The following PCTP variants were observed in gnomAD, a reference collection of about 807,000 sequenced individuals.
The protein encoded by PCTP is START domain-containing protein 2.
Under a neutral mutation model 31.0 loss-of-function variants are expected in PCTP, and 27 were observed. The observed-to-expected ratio is 0.87, with a 90% confidence interval of 0.64 to 1.20. The LOEUF is 1.20. Among genes scored for constraint, PCTP ranks in the 50% most tolerant of loss-of-function variants. The pLI is 0.00. For missense variants in PCTP, 287 were observed against 268.2 expected (o/e 1.07, Z -0.49); for synonymous variants, 108 against 101.2 (o/e 1.07, Z -0.40).
exon 4 of PCTP, chr17:55,823,053 A>C (rs1203069774): frequency 3.2e-6 from 1 of 315,366 alleles, no homozygotes; most frequent in Non-Finnish European, 5.7e-6. Flanking sequence ...TATGTACTGG[A>C]AAGATAGCAG....
At chr17:55,797,325 G>A (rs1348794020) in intron 3 of PCTP, among the ~76,000 whole-genome samples, 1 of 152,010 alleles carries the variant, frequency 6.6e-6, no homozygotes, top group East Asian at 1.9e-4. Flanking sequence ...TATGAACCTA[G>A]TGTTAAGGCT....
intron 1 of PCTP, among the ~76,000 whole-genome samples, chr17:55,763,775 C>A (rs1476293173): frequency 6.6e-6 from 1 of 152,062 alleles, no homozygotes; most frequent in Non-Finnish European, 1.5e-5. Flanking sequence ...TTATAAAAAA[C>A]TATTTTTTAA....
chr17:55,781,201 T>G (rs1289020752), downstream of PCTP, among the ~76,000 whole-genome samples: 1 of 152,240 alleles, frequency 6.6e-6, no homozygotes, highest in African/African-American at 2.4e-5. Context: ...TCATTTAATG[T>G]GATCAATAAA....
chr17:55,843,855 G>T (rs1208742435), downstream of PCTP, among the ~76,000 whole-genome samples: 1 of 152,126 alleles, frequency 6.6e-6, no homozygotes, highest in Non-Finnish European at 1.5e-5. Context: ...AGCACTGAAG[G>T]TCTCAAATAT....
At chr17:55,838,450 A>T (rs1905847679) in intron 5 of PCTP, among the ~76,000 whole-genome samples, 1 of 152,198 alleles carries the variant, frequency 6.6e-6, no homozygotes, top group Non-Finnish European at 1.5e-5. Context: ...TTCCCTGACC[A>T]GGTCAAATTC....
chr17:55,787,196 C>T (rs1453124462), intron 2 of PCTP, among the ~76,000 whole-genome samples: 1 of 151,462 alleles, frequency 6.6e-6, no homozygotes, highest in Non-Finnish European at 1.5e-5. Context: ...ATAGCTTTTT[C>T]TGCAATTTTA....
At chr17:55,758,846 T>A (rs757060074) in intron 1 of PCTP, among the ~76,000 whole-genome samples, 1 of 152,128 alleles carries the variant, frequency 6.6e-6, no homozygotes, top group East Asian at 1.9e-4. Flanking sequence ...AGGTTCAGAT[T>A]TGGTGGAAGG....
intron 5 of PCTP, among the ~76,000 whole-genome samples, chr17:55,835,818 C>T (rs771016307): frequency 7.2e-5 from 11 of 152,138 alleles, no homozygotes; most frequent in Non-Finnish European, 1.5e-4. Context: ...TTGATAGTCC[C>T]AATAGGAGTT....
chr17:55,826,629 G>C (rs1415473374), downstream of PCTP, among the ~76,000 whole-genome samples: 2 of 152,194 alleles, frequency 1.3e-5, no homozygotes, highest in Non-Finnish European at 2.9e-5. Context: ...ATGAGGCAAA[G>C]CGTATTTAGT....
chr17:55,773,437 A>AGAAAGGAAAT (rs1911118911), intron 3 of PCTP, among the ~76,000 whole-genome samples: 1 of 152,178 alleles, frequency 6.6e-6, no homozygotes, highest in Non-Finnish European at 1.5e-5. Flanking sequence ...GTCATCTCCC[A>AGAAAGGAAAT]GTGCCTTCTT....
intron 5 of PCTP, among the ~76,000 whole-genome samples, chr17:55,828,858 AAT>A (rs891990589): frequency 3.3e-5 from 5 of 152,166 alleles, no homozygotes; most frequent in African/African-American, 1.2e-4. Flanking sequence ...TCTGCTTCCC[AAT>A]GGGCATAACA....
intron 3 of PCTP, among the ~76,000 whole-genome samples, chr17:55,801,901 C>T (rs1912396793): frequency 6.6e-6 from 1 of 152,026 alleles, no homozygotes; most frequent in Non-Finnish European, 1.5e-5. Context: ...ATGAAAAACC[C>T]TTCAAAAAAA....
At chr17:55,806,151 G>A (rs950490926) in intron 3 of PCTP, among the ~76,000 whole-genome samples, 1 of 152,034 alleles carries the variant, frequency 6.6e-6, no homozygotes, top group East Asian at 1.9e-4. Context: ...GAAAATAGAA[G>A]TATAGGCAAG....
At chr17:55,838,581 T>A (rs552907423) in intron 5 of PCTP, among the ~76,000 whole-genome samples, 50 of 152,306 alleles carry the variant, frequency 3.3e-4, no homozygotes, top group Admixed American at 1.7e-3. Context: ...AACTTAGCAC[T>A]GGTTTTTGCT....
chr17:55,806,358 G>A (rs1451742987), intron 3 of PCTP, among the ~76,000 whole-genome samples: 1 of 152,088 alleles, frequency 6.6e-6, no homozygotes, highest in African/African-American at 2.4e-5. Context: ...TCCAAGTTCA[G>A]TACCATTACG....
At chr17:55,841,869 A>G (rs1905992791) in intron 5 of PCTP, among the ~76,000 whole-genome samples, 1 of 151,968 alleles carries the variant, frequency 6.6e-6, no homozygotes, top group Non-Finnish European at 1.5e-5. Context: ...ACCTTTTCCT[A>G]TACTCCCATA....
At chr17:55,799,595 T>C (rs1912307754) in intron 3 of PCTP, among the ~76,000 whole-genome samples, 1 of 152,154 alleles carries the variant, frequency 6.6e-6, no homozygotes, top group Non-Finnish European at 1.5e-5. Context: ...TATTGTTATG[T>C]GTGAATTTGA....
chr17:55,789,091 T>C (rs1477174715), intron 3 of PCTP, among the ~76,000 whole-genome samples: 1 of 152,216 alleles, frequency 6.6e-6, no homozygotes, highest in Non-Finnish European at 1.5e-5. Flanking sequence ...ATTCACACTT[T>C]GTTGTGAAAA....
At chr17:55,771,813 G>A (rs567707029) in intron 3 of PCTP, among the ~76,000 whole-genome samples, 29 of 152,112 alleles carry the variant, frequency 1.9e-4, no homozygotes, top group Non-Finnish European at 4.0e-4. Flanking sequence ...GGACTAAGCT[G>A]GGGGGCTAGG....
Sources: allele counts gnomAD v4.1 joint callset (sites outside exome capture counted in the v4.1 genomes callset), GRCh38; gene constraint gnomAD v4.1.1; transcripts MANE v1.5; gene names NCBI Gene and HGNC (gene_info 2026-07-23, HGNC 2026-07-21).